The following FOCAD variants were observed in gnomAD, a reference collection of about 807,000 sequenced individuals.
FOCAD encodes the protein KIAA1797.
In FOCAD, 198 loss-of-function variants were observed where a neutral mutation model predicts 225.6. That is an observed-to-expected ratio of 0.88 (90% CI 0.78 to 0.99). FOCAD has a LOEUF of 0.99. Among genes scored for constraint, FOCAD ranks in the 50% least tolerant of loss-of-function variants. The pLI is 0.00. For synonymous variants in FOCAD, 897 were observed against 755.0 expected (o/e 1.19, Z -3.08); for missense variants, 2,713 against 2,123.6 (o/e 1.28, Z -5.46).
chr9:20,933,027 C>T lies in FOCAD; in HGVS notation c.3331C>T (p.Gln1111Ter). The T allele has an allele frequency of 1.2e-6, 2 of 1,613,222 alleles. No homozygotes were observed. Among genetic ancestry groups the T allele is most frequent in the Non-Finnish European group, 1.7e-6 (2 of 1,179,500 alleles). ...ATCTTTAACCAGTGATATATCTGGC[C>T]AAGAGATGAACCTTCTTCTGATGAA... The part of the protein sequence containing the change: ...CEEKLSDISG[Q>*]EMNLLLMKSL... Residue 1111 changes from glutamine to a stop codon, truncating the protein, a stop_gained, in exon 28 of 44, where the codon CAA (glutamine) becomes TAA (stop). Transcript: ENST00000338382. LOFTEE classifies it high-confidence loss of function.
intron 1 of FOCAD, among the ~76,000 whole-genome samples, chr9:20,691,144 C>T (rs1478266885): frequency 6.6e-6 from 1 of 151,936 alleles, no homozygotes; most frequent in Admixed American, 6.6e-5. Flanking sequence ...GGTTTCACCA[C>T]GTTGGCCAGA....
intron 4 of FOCAD, among the ~76,000 whole-genome samples, chr9:20,727,007 T>G (rs1331783592): frequency 6.6e-6 from 1 of 152,178 alleles, no homozygotes; most frequent in Non-Finnish European, 1.5e-5. Context: ...CATTACTATC[T>G]GAATTTGATG....
Position 20,995,692 on chromosome 9 carries a change from G to T in FOCAD, c.*63G>T. The T allele has an allele frequency of 2.7e-6, 4 of 1,472,962 alleles. No homozygotes were observed. Among genetic ancestry groups the T allele is most frequent in the Non-Finnish European group, 3.8e-6 (4 of 1,055,660 alleles). 91.2% of individuals were successfully genotyped at this position (1,472,962 alleles called of 1,614,324 possible). A position where few individuals can be genotyped will look rare whatever the true frequency, so the allele number is the denominator to read the frequency against. Reference sequence around the variant, plus strand: ...GAGGAAAACCATATAAGTGGAAGAAGTTTTTCAGAATTCATGCCTGGTATT... The same window carrying T: ...GAGGAAAACCATATAAGTGGAAGAATTTTTTCAGAATTCATGCCTGGTATT... On this transcript the variant is annotated 3_prime_UTR_variant, in exon 44 of 44. Transcript: ENST00000338382.
chr9:20,845,193 T>C (rs1826954758), intron 15 of FOCAD, among the ~76,000 whole-genome samples: 1 of 152,060 alleles, frequency 6.6e-6, no homozygotes, highest in African/African-American at 2.4e-5. Flanking sequence ...TTTTAAAGTA[T>C]TTTTAATGCA....
chr9:20,733,826 ACT>A (rs945028447), intron 4 of FOCAD, among the ~76,000 whole-genome samples: 1 of 151,912 alleles, frequency 6.6e-6, no homozygotes, highest in Non-Finnish European at 1.5e-5. Context: ...ACATAGTGAG[ACT>A]CTGTCTTTAA....
At chr9:20,815,123 G>GGTTTTTTTTTTGTTTTTTTTTTTTTTT (rs796702774) in intron 11 of FOCAD, among the ~76,000 whole-genome samples, 1 of 85,396 alleles carries the variant, frequency 1.2e-5, no homozygotes, top group Non-Finnish European at 2.2e-5. Flanking sequence ...ACTTCTCTTT[G>GGTTTTTTTTTTGTTTTTTTTTTTTTTT]TTTTTTTTTT....
chr9:20,716,204 G>A (rs745529627), intron 2 of FOCAD: 2 of 424,854 alleles, frequency 4.7e-6, no homozygotes, highest in East Asian at 5.8e-5. Context: ...TATCCTGCAG[G>A]TCCTTACCAT....
intron 32 of FOCAD, 54 bp downstream of exon 32, chr9:20,948,982 C>T (rs1248682335): frequency 3.8e-5 from 57 of 1,513,076 alleles, no homozygotes; most frequent in Non-Finnish European, 4.9e-5. Context: ...ATAGCCATAG[C>T]GGGAGAAGAA....
chr9:20,773,785 T>C (rs1818474813), intron 8 of FOCAD, among the ~76,000 whole-genome samples: 1 of 152,128 alleles, frequency 6.6e-6, no homozygotes, highest in Non-Finnish European at 1.5e-5. Context: ...TCCCTGCAGT[T>C]TGTGTGCTGA....
intron 15 of FOCAD, among the ~76,000 whole-genome samples, chr9:20,853,916 T>C (rs2131636385): frequency 6.6e-6 from 1 of 151,902 alleles, no homozygotes; most frequent in Middle Eastern, 3.4e-3. Flanking sequence ...ATTGATTGTG[T>C]CTCTTCAAAA....
intron 21 of FOCAD, among the ~76,000 whole-genome samples, chr9:20,905,854 C>T (rs1480388204): frequency 6.6e-6 from 1 of 151,638 alleles, no homozygotes; most frequent in East Asian, 1.9e-4. Flanking sequence ...CGTTGTAGTA[C>T]TTATTCAGGA....
chr9:20,788,137 A>G (rs1270579019), intron 10 of FOCAD, among the ~76,000 whole-genome samples: 10 of 152,242 alleles, frequency 6.6e-5, no homozygotes, highest in African/African-American at 2.4e-4. Context: ...TTTGGCAATA[A>G]AAAGAAATGA....
chr9:20,947,090 G>C (rs900412015), intron 30 of FOCAD, among the ~76,000 whole-genome samples: 11 of 151,848 alleles, frequency 7.2e-5, no homozygotes, highest in African/African-American at 2.7e-4. Context: ...TTGCTCTATA[G>C]TTATAAGATC....
intron 1 of FOCAD, among the ~76,000 whole-genome samples, chr9:20,689,293 C>T (rs968803110): frequency 2.6e-5 from 4 of 152,024 alleles, no homozygotes; most frequent in East Asian, 1.9e-4. Flanking sequence ...GTGGTGCATT[C>T]GATGAATTGC....
At chr9:20,836,395 A>G (rs1825995543) in intron 15 of FOCAD, among the ~76,000 whole-genome samples, 3 of 152,020 alleles carry the variant, frequency 2.0e-5, no homozygotes, top group Non-Finnish European at 4.4e-5. Context: ...TGGGACTTTT[A>G]AAGGTGGATT....
intron 24 of FOCAD, among the ~76,000 whole-genome samples, chr9:20,918,997 G>C (rs1468697618): frequency 4.6e-5 from 7 of 152,018 alleles, no homozygotes; most frequent in Non-Finnish European, 1.0e-4. Context: ...TCAGGGTATG[G>C]CTTGTTTTGT....
intron 15 of FOCAD, among the ~76,000 whole-genome samples, chr9:20,851,995 C>A (rs1026762908): frequency 2.0e-5 from 3 of 151,802 alleles, no homozygotes; most frequent in African/African-American, 7.2e-5. Flanking sequence ...TGGCCCTTGA[C>A]AGAAAATGTG....
intron 15 of FOCAD, among the ~76,000 whole-genome samples, chr9:20,824,231 C>T (rs1824638965): frequency 6.6e-6 from 1 of 152,036 alleles, no homozygotes; most frequent in Non-Finnish European, 1.5e-5. Flanking sequence ...TGGGAAATAT[C>T]TCTTTAATAG....
At chr9:20,685,846 G>A (rs145498026) in intron 1 of FOCAD, among the ~76,000 whole-genome samples, 75 of 152,278 alleles carry the variant, frequency 4.9e-4, no homozygotes, top group African/African-American at 1.7e-3. Flanking sequence ...ATAACCAAAA[G>A]GTTATCAGGA....
Sources: allele counts gnomAD v4.1 joint callset (sites outside exome capture counted in the v4.1 genomes callset), GRCh38; gene constraint gnomAD v4.1.1; transcripts MANE v1.5; gene names NCBI Gene and HGNC (gene_info 2026-07-23, HGNC 2026-07-21).